Variants in PIK3AP1 observed in about 807,000 individuals in gnomAD.
The protein encoded by PIK3AP1 is phosphoinositide 3-kinase adapter protein 1.
A neutral mutation model predicts 88.1 loss-of-function variants in PIK3AP1; 21 were observed. That is an observed-to-expected ratio of 0.24 (90% confidence interval 0.17 to 0.34). PIK3AP1 has a LOEUF of 0.34. PIK3AP1 is among the 10% of genes least tolerant of loss of function. The pLI is 1.00. For synonymous variants in PIK3AP1, 398 were observed against 400.0 expected (o/e 1.00, Z 0.06); for missense variants, 828 against 1,035.7 (o/e 0.80, Z 2.75).
Position 96,709,922 on chromosome 10 carries a change from C to G in PIK3AP1, c.75G>C (p.Gln25His). The change falls in exon 2 of 17, where the codon CAG becomes CAC. Residue 25 changes from glutamine (Q) to histidine (H), a missense_variant. This residue lies in a region of PIK3AP1 where 610 missense variants were observed against 760.1 expected (regional missense o/e 0.80). Coordinates refer to ENST00000339364, the MANE Select transcript of PIK3AP1 (RefSeq NM_152309.3). Reference sequence around the variant, plus strand: ...TGGACAGGAACAGGGTCTGCAGGTACTGGCACCATTCCTCGGCATCCGGGC... The same window carrying G: ...TGGACAGGAACAGGGTCTGCAGGTAGTGGCACCATTCCTCGGCATCCGGGC... ...VYSPDAEEWC[Q>H]YLQTLFLSSR... 6.2e-7 allele frequency: 1 copy of G among 1,609,596 alleles called. No homozygotes were observed. Among genetic ancestry groups the G allele is most frequent in the South Asian group, 1.1e-5 (1 of 90,948 alleles).
intron 13 of PIK3AP1, 75 bp from the exon 14 acceptor site, chr10:96,609,942 T>C (rs576042954): frequency 2.7e-6 from 4 of 1,500,864 alleles, no homozygotes; most frequent in East Asian, 2.3e-5. Flanking sequence ...GCAGCTTCCC[T>C]CCACCTGCCT....
chr10:96,606,785 T>C (rs1849010222), intron 14 of PIK3AP1, among the ~76,000 whole-genome samples: 1 of 152,242 alleles, frequency 6.6e-6, no homozygotes, highest in African/African-American at 2.4e-5. Flanking sequence ...CTTTTTCATC[T>C]TTGGTTCTCT....
intron 13 of PIK3AP1, among the ~76,000 whole-genome samples, chr10:96,612,402 A>T (rs772428167): frequency 1.9e-4 from 29 of 152,200 alleles, no homozygotes; most frequent in Non-Finnish European, 4.1e-4. Flanking sequence ...ATTCTAACCC[A>T]AATTAAAGAT....
chr10:96,669,167 G>A (rs962170554), intron 2 of PIK3AP1, among the ~76,000 whole-genome samples: 4 of 151,938 alleles, frequency 2.6e-5, no homozygotes, highest in Admixed American at 2.6e-4. Context: ...ACACAAATGG[G>A]GCAGGAATAT....
chr10:96,679,561 C>T (rs1843971056), intron 2 of PIK3AP1, among the ~76,000 whole-genome samples: 3 of 152,072 alleles, frequency 2.0e-5, no homozygotes, highest in Admixed American at 2.0e-4. Flanking sequence ...TCTGTGAAAG[C>T]TCATCCTTAT....
At chr10:96,711,916 A>C (rs1296774294) in intron 1 of PIK3AP1, among the ~76,000 whole-genome samples, 1 of 150,090 alleles carries the variant, frequency 6.7e-6, no homozygotes, top group African/African-American at 2.5e-5. Context: ...ACGCCCGGCT[A>C]ATTTTTTTTT....
At chr10:96,597,267 T>TTCCTTCC (rs1848774881) in intron 16 of PIK3AP1, among the ~76,000 whole-genome samples, 1 of 122,168 alleles carries the variant, frequency 8.2e-6, no homozygotes, top group Non-Finnish European at 1.8e-5. Context: ...TCTTTCTTTC[T>TTCCTTCC]TTCTTTCCTT....
intron 2 of PIK3AP1, among the ~76,000 whole-genome samples, chr10:96,661,551 G>C (rs1042044498): frequency 2.0e-5 from 3 of 152,220 alleles, no homozygotes; most frequent in African/African-American, 7.2e-5. Context: ...CATAGGGGCA[G>C]AGCAGACATG....
chr10:96,674,955 C>T (rs1200587163), intron 2 of PIK3AP1, among the ~76,000 whole-genome samples: 1 of 152,222 alleles, frequency 6.6e-6, no homozygotes, highest in African/African-American at 2.4e-5. Flanking sequence ...TGCAGTTCTG[C>T]AATCACGGTT....
chr10:96,619,263 G>T, intron 12 of PIK3AP1: 1 of 152,322 alleles, frequency 6.6e-6, no homozygotes, highest in Non-Finnish European at 1.5e-5. Flanking sequence ...CACTAATCCT[G>T]TCCCAGAAGA....
At chr10:96,696,029 CA>C (rs1564987100) in intron 2 of PIK3AP1, among the ~76,000 whole-genome samples, 1 of 152,136 alleles carries the variant, frequency 6.6e-6, no homozygotes, top group African/African-American at 2.4e-5. Flanking sequence ...ATCCAAAGGG[CA>C]TCAAGCCTCT....
chr10:96,620,243 A>G, intron 12 of PIK3AP1, 109 bp downstream of exon 12: 2 of 1,152,786 alleles, frequency 1.7e-6, no homozygotes, highest in Non-Finnish European at 2.5e-6. Flanking sequence ...TCGCAGGCAC[A>G]GCCACAGGTG....
At chr10:96,641,198 G>T (rs1019004264) in intron 8 of PIK3AP1, among the ~76,000 whole-genome samples, 1 of 151,310 alleles carries the variant, frequency 6.6e-6, no homozygotes, top group South Asian at 2.1e-4. Flanking sequence ...ACAATCTCAG[G>T]GTCAGAACCC....
Position 96,710,308 on chromosome 10 carries a change from G to A in PIK3AP1, c.14-325C>T, listed in dbSNP as rs551420676. Among the ~76,000 whole-genome samples the A allele has an allele frequency of 1.2e-4, 19 of 152,160 alleles. 1 individual carries two copies. The East Asian group carries it at 3.7e-3, about 29-fold the overall frequency. ...CCAATCTCAGCTCACTGCAACCTCT[G>A]CCTCCCGGGTTCAAGCGATTCTCCT... On this transcript the variant is annotated intron_variant, in intron 1 of 16. Transcript: ENST00000339364.
At chr10:96,696,711 T>C (rs1844226027) in intron 2 of PIK3AP1, among the ~76,000 whole-genome samples, 1 of 152,222 alleles carries the variant, frequency 6.6e-6, no homozygotes, top group Non-Finnish European at 1.5e-5. Flanking sequence ...CATACATTCC[T>C]TCATATCCAC....
At chr10:96,598,702 G>T (rs761679904) in intron 16 of PIK3AP1, among the ~76,000 whole-genome samples, 1 of 152,160 alleles carries the variant, frequency 6.6e-6, no homozygotes, top group South Asian at 2.1e-4. Context: ...AGATTCACTC[G>T]CATGGGAACA....
At chr10:96,636,891 A>C (rs1166015645) in intron 8 of PIK3AP1, among the ~76,000 whole-genome samples, 2 of 152,196 alleles carry the variant, frequency 1.3e-5, no homozygotes, top group Middle Eastern at 3.2e-3. Context: ...ATGAATCAAC[A>C]GCAATAGTGA....
intron 3 of PIK3AP1, 30 bp from the exon 4 acceptor site, chr10:96,652,872 C>G (rs771810257): frequency 6.2e-7 from 1 of 1,606,852 alleles, no homozygotes; most frequent in East Asian, 2.2e-5. Context: ...ATTGTCCCCT[C>G]TCCCTCTCAG....
At chr10:96,670,046 G>A (rs184429496) in intron 2 of PIK3AP1, among the ~76,000 whole-genome samples, 6 of 151,584 alleles carry the variant, frequency 4.0e-5, no homozygotes, top group Middle Eastern at 3.4e-3. Flanking sequence ...GTGGTGGCAC[G>A]CGCCTGTAGT....
Sources: gnomAD v4.1 joint callset for allele counts (sites outside exome capture counted in the v4.1 genomes callset) on GRCh38, gnomAD v4.1.1 for gene constraint, gnomAD v4.1.1 regional missense constraint, MANE v1.5 for transcripts, NCBI Gene and HGNC (gene_info 2026-07-23, HGNC 2026-07-21) for gene names.